Variants in PLCE1 observed in about 807,000 individuals in gnomAD.
PLCE1 encodes 1-phosphatidylinositol 4,5-bisphosphate phosphodiesterase epsilon-1.
Under a neutral mutation model 242.8 loss-of-function variants are expected in PLCE1, and 119 were observed. That is an observed-to-expected ratio of 0.49 (90% CI 0.42 to 0.57). PLCE1 has a LOEUF of 0.57. Among genes scored for constraint, PLCE1 ranks in the 20% least tolerant of loss-of-function variants. The pLI, the probability that PLCE1 is intolerant of heterozygous loss-of-function variation, is 0.00. For missense variants in PLCE1, 2,441 were observed against 2,788.8 expected, an observed-to-expected ratio of 0.88 and a Z score of 2.81; for synonymous variants, 945 against 1,017.4, an observed-to-expected ratio of 0.93 and a Z score of 1.35.
chr10:94,013,829 G>A (rs1033427542), intron 1 of PLCE1, among the ~76,000 whole-genome samples: 5 of 152,178 alleles, frequency 3.3e-5, no homozygotes, highest in Non-Finnish European at 7.3e-5. Context: ...CATTTGAGCC[G>A]AAATCGGAAT....
intron 3 of PLCE1, among the ~76,000 whole-genome samples, chr10:94,142,507 G>A (rs1029106508): frequency 6.6e-6 from 1 of 152,176 alleles, no homozygotes; most frequent in Non-Finnish European, 1.5e-5. Context: ...AGGTGATGGA[G>A]CGAGACTCTC....
At chr10:94,104,312 G>A (rs1194194682) in intron 2 of PLCE1, 1 of 152,190 alleles carries the variant, frequency 6.6e-6, no homozygotes, top group African/African-American at 2.4e-5. Flanking sequence ...AGTGGCAGGT[G>A]GGGGATCAGG....
Position 94,295,279 on chromosome 10 carries a change from T to C in PLCE1, c.5167+1640T>C, listed in dbSNP as rs113962904. ...CCCCACTGCTGCTTTATCAACTAAA[T>C]GTATGAAATATTCTAAATCCTTTGT... On this transcript the variant is annotated intron_variant, in intron 23 of 32. Coordinates refer to ENST00000371380, the MANE Select transcript of PLCE1 (RefSeq NM_016341.4). Among the ~76,000 whole-genome samples the C allele has an allele frequency of 8.4e-4, 128 of 152,282 alleles. 1 individual carries two copies. Among genetic ancestry groups the C allele is most frequent in the African/African-American group, 2.9e-3 (120 of 41,564 alleles).
intron 4 of PLCE1, among the ~76,000 whole-genome samples, chr10:94,206,720 G>C (rs1292111212): frequency 6.6e-6 from 1 of 152,150 alleles, no homozygotes; most frequent in African/African-American, 2.4e-5. Flanking sequence ...ACAGGCCAGT[G>C]GTGTTGACAT....
In PLCE1 at chr10:94,321,981, G is replaced by A. The variant is rs1231833287; in HGVS notation, c.6423G>A (p.Val2141=). ...SSEEESFFVQ[V]HDVSPEQPRT... is the part of the protein sequence containing the mutation. ...AGGAGGAGAGTTTCTTTGTCCAAGT[G>A]CATGATGTTTCTCCAGAGCAACCTC... The change falls in exon 30 of 33, where the codon GTG becomes GTA. Residue 2141 remains valine (V), a synonymous_variant. Coordinates refer to ENST00000371380, the MANE Select transcript of PLCE1 (RefSeq NM_016341.4). The A allele has an allele frequency of 1.2e-6, 2 of 1,613,760 alleles. No individual in the cohort carries two copies. The highest frequency in any genetic ancestry group is 1.7e-6 in the Non-Finnish European group (2 of 1,179,774).
chr10:94,103,028 A>T (rs906598110), intron 2 of PLCE1, among the ~76,000 whole-genome samples: 2 of 152,230 alleles, frequency 1.3e-5, no homozygotes, highest in Non-Finnish European at 2.9e-5. Flanking sequence ...TTAAAAGCCA[A>T]TATAAAAACT....
At chr10:94,066,507 G>A (rs1186104541) in intron 2 of PLCE1, among the ~76,000 whole-genome samples, 1 of 152,096 alleles carries the variant, frequency 6.6e-6, no homozygotes, top group Non-Finnish European at 1.5e-5. Context: ...GGTATTAATG[G>A]AGAGGCAGGG....
At chr10:94,203,458 G>A (rs1191509138) in intron 4 of PLCE1, among the ~76,000 whole-genome samples, 2 of 152,192 alleles carry the variant, frequency 1.3e-5, no homozygotes, top group African/African-American at 4.8e-5. Flanking sequence ...GATCAGACTT[G>A]CTTTGAGATT....
At chr10:94,127,173 C>A (rs949649651) in intron 2 of PLCE1, among the ~76,000 whole-genome samples, 3 of 152,204 alleles carry the variant, frequency 2.0e-5, no homozygotes, top group African/African-American at 7.2e-5. Context: ...TAGTTAACAT[C>A]TGCTGTGTAG....
chr10:94,079,015 G>C (rs936728433), intron 2 of PLCE1, among the ~76,000 whole-genome samples: 1 of 152,018 alleles, frequency 6.6e-6, no homozygotes, highest in Admixed American at 6.6e-5. Context: ...ATCCCTCCAC[G>C]GTGTAATTAG....
chr10:94,162,883 A>C (rs545263287), intron 3 of PLCE1, among the ~76,000 whole-genome samples: 15 of 152,330 alleles, frequency 9.8e-5, no homozygotes, highest in Non-Finnish European at 1.6e-4. Flanking sequence ...TTCAAGGAAC[A>C]TCTTTATTTC....
intron 13 of PLCE1, among the ~76,000 whole-genome samples, chr10:94,259,943 T>C (rs1485494055): frequency 6.6e-6 from 1 of 152,130 alleles, no homozygotes; most frequent in Admixed American, 6.5e-5. Flanking sequence ...AACCATCAGA[T>C]CTCATGAGAC....
intron 4 of PLCE1, among the ~76,000 whole-genome samples, chr10:94,208,856 C>T (rs527283373): frequency 6.6e-6 from 1 of 152,168 alleles, no homozygotes; most frequent in Non-Finnish European, 1.5e-5. Flanking sequence ...TCTCATTGCA[C>T]GTGGGCCTCA....
At chr10:94,262,001 CTTTTT>C (rs72217756) in intron 13 of PLCE1, among the ~76,000 whole-genome samples, 1 of 135,258 alleles carries the variant, frequency 7.4e-6, no homozygotes, top group Non-Finnish European at 1.6e-5. Context: ...TCTTCTTTTC[CTTTTT>C]TTTTTTTTTT....
intron 3 of PLCE1, among the ~76,000 whole-genome samples, chr10:94,150,507 A>G (rs909139966): frequency 2.0e-5 from 3 of 152,198 alleles, no homozygotes; most frequent in African/African-American, 7.2e-5. Flanking sequence ...GAGGCACACC[A>G]AAGTATTTGT....
At chr10:94,226,909 GGCTCGCTGCAACCTCTGCCTCTCGCT>G (rs1474396456) in intron 4 of PLCE1, among the ~76,000 whole-genome samples, 75 of 132,832 alleles carry the variant, frequency 5.6e-4, no homozygotes, top group Non-Finnish European at 9.5e-4. Flanking sequence ...GTACAATCTC[GGCTCGCTGCAACCTCTGCCTCTCGCT>G]GCTCGCTGCA....
intron 4 of PLCE1, among the ~76,000 whole-genome samples, chr10:94,209,676 T>C (rs1296655258): frequency 6.6e-6 from 1 of 152,186 alleles, no homozygotes; most frequent in African/African-American, 2.4e-5. Context: ...AGGGACTAAG[T>C]GGTGGAACAG....
chr10:94,163,324 A>G (rs1158926829), intron 3 of PLCE1, among the ~76,000 whole-genome samples: 2 of 152,174 alleles, frequency 1.3e-5, no homozygotes, highest in African/African-American at 4.8e-5. Flanking sequence ...GACTTGCTTT[A>G]TGAATCTGGG....
Position 94,127,103 on chromosome 10 carries a change from G to C in PLCE1, c.1207-5071G>C, listed in dbSNP as rs973578031. ...GAATCAACTTTATAGATTAGTGTGT[G>C]GATTCAATTGTTATGTAATTAAAAT... On this transcript the variant is annotated intron_variant, in intron 2 of 32. Coordinates refer to ENST00000371380, the MANE Select transcript of PLCE1 (RefSeq NM_016341.4). Among the ~76,000 whole-genome samples, 13 of 152,130 alleles carry C rather than the reference G, an allele frequency of 8.5e-5. 1 individual carries two copies. Among genetic ancestry groups the C allele is most frequent in the Non-Finnish European group, 1.5e-5 (1 of 68,026 alleles).
Sources: gnomAD v4.1 joint callset for allele counts (sites outside exome capture counted in the v4.1 genomes callset) on GRCh38, gnomAD v4.1.1 for gene constraint, MANE v1.5 for transcripts, NCBI Gene and HGNC (gene_info 2026-07-23, HGNC 2026-07-21) for gene names.